The following ALDH18A1 variants were observed in gnomAD, a reference collection of about 807,000 sequenced individuals.
ALDH18A1 encodes the protein aldehyde dehydrogenase 18 family member A1, also known as delta-1-pyrroline-5-carboxylate synthase.
Under a neutral mutation model 88.8 loss-of-function variants are expected in ALDH18A1, and 44 were observed. That is an observed-to-expected ratio of 0.50 (90% confidence interval 0.39 to 0.64). The LOEUF (loss-of-function observed/expected upper bound fraction) is 0.64, where lower values mean the gene tolerates loss of function less well. Among genes scored for constraint, ALDH18A1 ranks in the 30% least tolerant of loss-of-function variants. ALDH18A1 has a pLI of 0.00. For missense variants in ALDH18A1, 782 were observed against 1,009.5 expected, an observed-to-expected ratio of 0.77 and a Z score of 3.05; for synonymous variants, 331 against 372.1, an observed-to-expected ratio of 0.89 and a Z score of 1.27.
At chr10:95,612,917 T>C (rs182426474) in intron 15 of ALDH18A1, among the ~76,000 whole-genome samples, 61 of 152,344 alleles carry the variant, frequency 4.0e-4, no homozygotes, top group Admixed American at 1.4e-3. Context: ...TTTCCAGTTC[T>C]CACTGGGACC....
intron 7 of ALDH18A1, among the ~76,000 whole-genome samples, chr10:95,629,962 TAA>T (rs2097865887): frequency 6.6e-6 from 1 of 151,980 alleles, no homozygotes; most frequent in African/African-American, 2.4e-5. Flanking sequence ...TCAAGCAGTA[TAA>T]GAGAGAAGGA....
At position 95,637,159 on chromosome 10, in the gene ALDH18A1, G is replaced by C. The variant is rs150472102; in HGVS notation, c.492C>G (p.Ala164=). ...ACAAGGCCATCAGCCCACTCTGTCC[G>C]GCAGCTGCACAGGCTCGTGCCTCTA... ...PVLEARACAA[A]GQSGLMALYE... The change falls in exon 5 of 18, where the codon GCC becomes GCG. Residue 164 remains alanine, a synonymous_variant. Transcript: ENST00000371224. The C allele has an allele frequency of 4.3e-6, 7 of 1,614,046 alleles. No homozygotes were observed. Among genetic ancestry groups the C allele is most frequent in the Non-Finnish European group, 5.1e-6 (6 of 1,180,048 alleles).
intron 7 of ALDH18A1, among the ~76,000 whole-genome samples, chr10:95,630,921 C>G (rs1263247301): frequency 1.3e-5 from 2 of 152,156 alleles, no homozygotes; most frequent in Non-Finnish European, 2.9e-5. Flanking sequence ...AGAGACAGAT[C>G]AATTCATCTA....
chr10:95,606,575 G>A lies in ALDH18A1; in HGVS notation c.*187C>T. On this transcript the variant is annotated 3_prime_UTR_variant, in exon 18 of 18. Coordinates refer to ENST00000371224, the MANE Select transcript of ALDH18A1 (RefSeq NM_002860.4). ...TTCTTACTTTAAAAAAAAAGGGTGA[G>A]CTGGGAGCCAGACTGTGCACATCAG... The A allele has an allele frequency of 6.7e-7, 1 of 1,502,510 alleles. No homozygotes were observed. 93.1% of individuals were successfully genotyped at this position (1,502,510 alleles called of 1,614,324 possible).
rs56238714 is a variant in ALDH18A1, at chr10:95,648,320, TTCATCATCATCATCATCA to T, written c.88+4952_88+4969del. The stretch of plus-strand genomic sequence containing the variant: ...AGTTTGAGCTTTTCCATATTCTACC[TTCATCATCATCATCATCA>T]TCATCATCATCATCATCATCATCAT... On this transcript the variant is annotated intron_variant, in intron 2 of 17. Coordinates refer to ENST00000371224, the MANE Select transcript of ALDH18A1 (RefSeq NM_002860.4). Among the ~76,000 whole-genome samples the T allele has an allele frequency of 3.4e-3, 507 of 150,800 alleles. 2 individuals carry two copies. The highest frequency in any genetic ancestry group is 4.3e-3 in the Non-Finnish European group (294 of 67,790).
At chr10:95,655,579 A>G (rs1353634058) in intron 1 of ALDH18A1, among the ~76,000 whole-genome samples, 2 of 151,686 alleles carry the variant, frequency 1.3e-5, no homozygotes, top group Admixed American at 6.6e-5. Flanking sequence ...TGACGTAGAA[A>G]CCAAGCCTCC....
rs753969550 is a variant in ALDH18A1 at position 95,637,436 on chromosome 10, C to T, written c.304G>A (p.Val102Ile). The change falls in exon 4 of 18, where the codon GTA (valine) becomes ATA (isoleucine). Residue 102 changes from valine (V) to isoleucine (I), a missense_variant and splice_region_variant. Val to Ile is a conservative substitution (Grantham distance 29, BLOSUM62 3). Coordinates refer to ENST00000371224, the MANE Select transcript of ALDH18A1 (RefSeq NM_002860.4). ...CTGCCCTGATTCTGCAGCACTGATA[C>T]CTGGGCATTGAGAAAGGAAAGGGGA... ...LGRLASIVEQ[V>I]SVLQNQGREM... 5.6e-6 allele frequency: 9 copies of T among 1,614,094 alleles called. No individual in the cohort carries two copies. The highest frequency in any genetic ancestry group is 3.3e-5 in the South Asian group (3 of 91,080).
intron 3 of ALDH18A1, among the ~76,000 whole-genome samples, chr10:95,642,131 T>C (rs2097892935): frequency 6.6e-6 from 1 of 152,246 alleles, no homozygotes; most frequent in Admixed American, 6.5e-5. Context: ...TGCCATGGAA[T>C]AGCTCTTGCT....
chr10:95,633,396 A>G, intron 6 of ALDH18A1, 95 bp downstream of exon 6: 2 of 1,494,296 alleles, frequency 1.3e-6, no homozygotes, highest in Non-Finnish European at 1.8e-6. Context: ...CAACTTTTCC[A>G]TCTTGTTTAT....
intron 12 of ALDH18A1, among the ~76,000 whole-genome samples, chr10:95,619,991 G>C (rs149488742): frequency 0.011 from 1,678 of 152,270 alleles, 20 homozygotes; most frequent in Non-Finnish European, 0.013. Flanking sequence ...TACCATGAGA[G>C]TGAACAGGCA....
intron 3 of ALDH18A1, among the ~76,000 whole-genome samples, chr10:95,638,127 C>T (rs749808156): frequency 6.6e-6 from 1 of 152,176 alleles, no homozygotes; most frequent in Non-Finnish European, 1.5e-5. Context: ...GATCCTCCTG[C>T]CTCAGCCTCA....
intron 2 of ALDH18A1, among the ~76,000 whole-genome samples, chr10:95,651,057 C>T (rs923403462): frequency 1.3e-5 from 2 of 151,870 alleles, no homozygotes; most frequent in Admixed American, 6.6e-5. Context: ...CGCTTGAACC[C>T]GGGAGGCAGA....
chr10:95,608,870 GT>G (rs1170335553), intron 17 of ALDH18A1, among the ~76,000 whole-genome samples: 1 of 152,096 alleles, frequency 6.6e-6, no homozygotes, highest in Admixed American at 6.6e-5. Context: ...ATTATTGGAG[GT>G]TTTTTGTCTG....
rs745857450 is a variant in ALDH18A1 at position 95,627,425 on chromosome 10, T to C, written c.1078+17A>G. ...GTTCCCATCACAGGCCTTGGGACCT[T>C]ATGAAGAACTATTTACCTGCAGGCT... On this transcript the variant is annotated intron_variant, in intron 9 of 17. Transcript: ENST00000371224. 5.8e-5 allele frequency: 94 copies of C among 1,614,038 alleles called. No homozygotes were observed. The highest frequency in any genetic ancestry group is 1.6e-4 in the Middle Eastern group (1 of 6,062).
intron 11 of ALDH18A1, among the ~76,000 whole-genome samples, chr10:95,622,414 C>G (rs1263301670): frequency 6.6e-6 from 1 of 152,048 alleles, no homozygotes; most frequent in African/African-American, 2.4e-5. Context: ...GTTGCCCAGG[C>G]TGGTCTCGAA....
At chr10:95,643,789 AT>A (rs896320091) in intron 2 of ALDH18A1, among the ~76,000 whole-genome samples, 15 of 151,218 alleles carry the variant, frequency 9.9e-5, no homozygotes, top group African/African-American at 2.9e-4. Context: ...GTAAAGATGC[AT>A]TTTTTTTTCA....
At chr10:95,643,780 T>C (rs1171626587) in intron 2 of ALDH18A1, among the ~76,000 whole-genome samples, 2 of 152,222 alleles carry the variant, frequency 1.3e-5, no homozygotes, top group Non-Finnish European at 2.9e-5. Flanking sequence ...GTTTATGCAG[T>C]AAAGATGCAT....
In ALDH18A1 at chr10:95,606,728, C is replaced by G. The variant is rs1375959506; in HGVS notation, c.*34G>C. 1 of 1,614,040 alleles carries G rather than the reference C, an allele frequency of 6.2e-7. No individual in the cohort carries two copies. The highest frequency in any genetic ancestry group is 1.3e-5 in the African/African-American group (1 of 75,036). ...GATAAGACAAGTTTAACGTGAAGAC[C>G]TTTTGGAAAATTCCCGGGTTTTCCT... is the stretch of plus-strand genomic sequence containing the variant. On this transcript the variant is annotated 3_prime_UTR_variant, in exon 18 of 18. Coordinates refer to ENST00000371224, the MANE Select transcript of ALDH18A1 (RefSeq NM_002860.4).
At chr10:95,638,529 A>G (rs984283060) in intron 3 of ALDH18A1, among the ~76,000 whole-genome samples, 6 of 152,198 alleles carry the variant, frequency 3.9e-5, no homozygotes, top group Non-Finnish European at 7.3e-5. Flanking sequence ...TGAAGCCCAG[A>G]ATAAAAGTCC....
Sources: allele counts gnomAD v4.1 joint callset (sites outside exome capture counted in the v4.1 genomes callset), GRCh38; gene constraint gnomAD v4.1.1; transcripts MANE v1.5; gene names NCBI Gene and HGNC (gene_info 2026-07-23, HGNC 2026-07-21).